Variants in CSMD1 observed in about 807,000 individuals in gnomAD.
CSMD1 encodes CUB and sushi domain-containing protein 1.
In CSMD1, 213 loss-of-function variants were observed where a neutral mutation model predicts 417.5. The observed-to-expected ratio is 0.51, with a 90% CI of 0.46 to 0.57. CSMD1 has a LOEUF of 0.57. Among genes scored for constraint, CSMD1 ranks in the 20% least tolerant of loss-of-function variants. The pLI is 0.00. For synonymous variants in CSMD1, 2,862 were observed against 1,736.8 expected (o/e 1.65, Z -16.11); for missense variants, 6,923 against 4,529.7 (o/e 1.53, Z -15.17).
intron 23 of CSMD1, among the ~76,000 whole-genome samples, chr8:3,315,124 T>C (rs193088104): frequency 6.6e-6 from 1 of 152,310 alleles, no homozygotes; most frequent in East Asian, 1.9e-4. Flanking sequence ...ATAATGTACT[T>C]CTTTGGCAAA....
chr8:3,705,292 G>T (rs1257041854), intron 7 of CSMD1, among the ~76,000 whole-genome samples: 1 of 152,180 alleles, frequency 6.6e-6, no homozygotes, highest in East Asian at 1.9e-4. Flanking sequence ...TGTGACCTCT[G>T]ATTTTTGTGC....
intron 5 of CSMD1, among the ~76,000 whole-genome samples, chr8:3,940,062 A>AT (rs1810771364): frequency 6.6e-6 from 1 of 151,682 alleles, no homozygotes; most frequent in Admixed American, 6.6e-5. Context: ...GTGTAGATTT[A>AT]CATATAAAAT....
At chr8:3,363,381 T>G (rs1809326709) in intron 20 of CSMD1, among the ~76,000 whole-genome samples, 2 of 152,178 alleles carry the variant, frequency 1.3e-5, no homozygotes, top group Admixed American at 6.5e-5. Flanking sequence ...AAAAACGTCA[T>G]GGAAACGTTT....
intron 2 of CSMD1, among the ~76,000 whole-genome samples, chr8:4,628,967 T>C (rs925465719): frequency 6.6e-6 from 1 of 152,158 alleles, no homozygotes; most frequent in Non-Finnish European, 1.5e-5. Context: ...GAAACATATA[T>C]GTGAGAGATC....
intron 1 of CSMD1, among the ~76,000 whole-genome samples, chr8:4,852,874 T>G (rs143551139): frequency 6.6e-6 from 1 of 152,226 alleles, no homozygotes; most frequent in African/African-American, 2.4e-5. Context: ...GGTTGCATTG[T>G]TTTCAGGCCC....
chr8:4,135,339 A>G (rs375216923), intron 3 of CSMD1, among the ~76,000 whole-genome samples: 43 of 25,884 alleles, frequency 1.7e-3, no homozygotes, highest in Admixed American at 6.4e-3. Flanking sequence ...AAGGGGAAAG[A>G]AGGAAGGAAG....
rs1286608996 is a variant in CSMD1 at position 3,079,541 on chromosome 8, T to C, written c.7474+7556A>G. Among the ~76,000 whole-genome samples, 3 of 152,360 alleles carry C rather than the reference T, an allele frequency of 2.0e-5. No homozygotes were observed. In the South Asian group the frequency reaches 6.2e-4, roughly 32 times the overall value. ...AGATAAAAGTCTCAAATACCTATGC[T>C]CTTTATGTTCATAAGTGAAGGATTT... is the stretch of plus-strand genomic sequence containing the variant. On this transcript the variant is annotated intron_variant, in intron 49 of 69. Transcript: ENST00000635120.
At chr8:4,188,291 C>A (rs750526393) in intron 3 of CSMD1, among the ~76,000 whole-genome samples, 1 of 152,114 alleles carries the variant, frequency 6.6e-6, no homozygotes, top group Non-Finnish European at 1.5e-5. Context: ...CGGTCAATGT[C>A]CCCCGGTTGT....
At position 4,376,239 on chromosome 8, in the gene CSMD1, T is replaced by A. The variant is rs367850941; in HGVS notation, c.415+43714A>T. Among the ~76,000 whole-genome samples the A allele has an allele frequency of 1.2e-3, 180 of 152,320 alleles. 1 individual carries two copies. Among genetic ancestry groups the A allele is most frequent in the African/African-American group, 4.1e-3 (172 of 41,564 alleles). On this transcript the variant is annotated intron_variant, in intron 3 of 69. Coordinates refer to ENST00000635120, the MANE Select transcript of CSMD1 (RefSeq NM_033225.6). The stretch of plus-strand genomic sequence containing the variant: ...ATAATCGTTTTTGACGTTTTCCTAT[T>A]TGACAATACTGATAGCATTTTCTCT...
At chr8:4,261,737 C>T (rs1401546235) in intron 3 of CSMD1, among the ~76,000 whole-genome samples, 3 of 152,036 alleles carry the variant, frequency 2.0e-5, no homozygotes, top group African/African-American at 7.2e-5. Context: ...GCCCCCATCA[C>T]ACACAGAAAA....
At chr8:3,675,309 C>T (rs1356914122) in intron 7 of CSMD1, among the ~76,000 whole-genome samples, 1 of 152,210 alleles carries the variant, frequency 6.6e-6, no homozygotes, top group East Asian at 1.9e-4. Flanking sequence ...CTATGCACAT[C>T]CTCACGTCTC....
At chr8:3,977,676 G>T (rs1005956487) in intron 5 of CSMD1, among the ~76,000 whole-genome samples, 6 of 152,176 alleles carry the variant, frequency 3.9e-5, no homozygotes, top group African/African-American at 1.4e-4. Context: ...TCATAAGAAT[G>T]TGGTAAATCA....
At chr8:4,290,193 C>T (rs1797283463) in intron 3 of CSMD1, among the ~76,000 whole-genome samples, 1 of 152,112 alleles carries the variant, frequency 6.6e-6, no homozygotes, top group Non-Finnish European at 1.5e-5. Flanking sequence ...TTGAAAGAAT[C>T]AGTCAAAGGA....
intron 49 of CSMD1, among the ~76,000 whole-genome samples, chr8:3,062,614 C>T (rs367596776): frequency 7.4e-5 from 11 of 147,764 alleles, no homozygotes; most frequent in East Asian, 2.0e-4. Flanking sequence ...TAGGATTGAG[C>T]GAGAAGTATC....
intron 3 of CSMD1, among the ~76,000 whole-genome samples, chr8:4,418,327 T>C (rs1454974339): frequency 1.3e-5 from 2 of 152,178 alleles, no homozygotes; most frequent in Non-Finnish European, 2.9e-5. Flanking sequence ...AAGAAATATT[T>C]TTCCAACATA....
intron 2 of CSMD1, among the ~76,000 whole-genome samples, chr8:4,588,050 A>G (rs1191846122): frequency 1.3e-5 from 2 of 152,180 alleles, no homozygotes; most frequent in African/African-American, 4.8e-5. Context: ...TAACAAAAGG[A>G]GCAAGGTAAA....
intron 7 of CSMD1, among the ~76,000 whole-genome samples, chr8:3,692,010 T>G (rs186683191): frequency 6.6e-6 from 1 of 152,300 alleles, no homozygotes; most frequent in East Asian, 1.9e-4. Flanking sequence ...ATGCTGGGCA[T>G]CTGGTCTCAT....
At chr8:3,518,861 T>A (rs1240071099) in intron 10 of CSMD1, among the ~76,000 whole-genome samples, 1 of 152,186 alleles carries the variant, frequency 6.6e-6, no homozygotes, top group Non-Finnish European at 1.5e-5. Flanking sequence ...AGTCATACTA[T>A]AACAAGACAG....
intron 2 of CSMD1, among the ~76,000 whole-genome samples, chr8:4,630,017 T>C (rs529443248): frequency 1.3e-5 from 2 of 152,124 alleles, no homozygotes; most frequent in African/African-American, 2.4e-5. Context: ...TCTCTGCCCA[T>C]ATTAGTATGG....
Sources: gnomAD v4.1 joint callset for allele counts (sites outside exome capture counted in the v4.1 genomes callset) on GRCh38, gnomAD v4.1.1 for gene constraint, MANE v1.5 for transcripts, NCBI Gene and HGNC (gene_info 2026-07-23, HGNC 2026-07-21) for gene names.